LINGO2: variants seen among roughly 807,000 people sequenced by gnomAD.
LINGO2 encodes the protein leucine-rich repeat and immunoglobulin-like domain-containing nogo receptor-interacting protein 2.
LINGO2 carries 14 observed loss-of-function variants against 30.6 expected under a neutral mutation model. That is an observed-to-expected ratio of 0.46 (90% CI 0.30 to 0.72). The LOEUF (loss-of-function observed/expected upper bound fraction) is 0.72. Ranked by LOEUF, LINGO2 falls within the 30% of genes least tolerant of loss-of-function variation. The pLI, the probability that LINGO2 is intolerant of heterozygous loss-of-function variation, is 0.07. For missense variants in LINGO2, 729 were observed against 751.7 expected, an observed-to-expected ratio of 0.97 and a Z score of 0.35; for synonymous variants, 317 against 288.5, an observed-to-expected ratio of 1.10 and a Z score of -1.00.
At chr9:28,519,313 G>T (rs1432286169) in intron 1 of LINGO2, among the ~76,000 whole-genome samples, 2 of 152,112 alleles carry the variant, frequency 1.3e-5, no homozygotes, top group Non-Finnish European at 2.9e-5. Context: ...GGGATTATAG[G>T]TGTGAGCTAC....
At chr9:28,456,024 A>G (rs1182163797) in intron 2 of LINGO2, among the ~76,000 whole-genome samples, 1 of 152,132 alleles carries the variant, frequency 6.6e-6, no homozygotes, top group Non-Finnish European at 1.5e-5. Context: ...GTGTTCTCTT[A>G]TATCTCATTT....
At chr9:29,009,486 C>T in the LINGO2 span, among the ~76,000 whole-genome samples, 1 of 152,098 alleles carries the variant, frequency 6.6e-6, no homozygotes, top group Admixed American at 6.6e-5. Flanking sequence ...ATGTGAAGGA[C>T]CTCTTCAAGG....
chr9:28,207,481 C>A (rs1404004168), intron 4 of LINGO2, among the ~76,000 whole-genome samples: 4 of 152,066 alleles, frequency 2.6e-5, no homozygotes, highest in Non-Finnish European at 4.4e-5. Context: ...TCATTTCTTA[C>A]AATGAGAAGG....
the LINGO2 span, among the ~76,000 whole-genome samples, chr9:29,057,339 A>T: frequency 5.5e-3 from 843 of 152,306 alleles, 9 homozygotes; most frequent in African/African-American, 0.019. Context: ...GTTTTCATCC[A>T]TGAAAGAGTA....
chr9:28,929,645 A>G, the LINGO2 span, among the ~76,000 whole-genome samples: 1 of 152,206 alleles, frequency 6.6e-6, no homozygotes, highest in African/African-American at 2.4e-5. Flanking sequence ...ACAACTTTCC[A>G]CATTTCTTTC....
At chr9:28,022,740 T>C (rs1185571867) in intron 4 of LINGO2, among the ~76,000 whole-genome samples, 2 of 152,064 alleles carry the variant, frequency 1.3e-5, no homozygotes, top group Non-Finnish European at 2.9e-5. Context: ...GTATCTGTCA[T>C]TAATTTTGGG....
chr9:27,949,559 G>A (rs772216428), exon 6 of LINGO2: 1 of 1,614,058 alleles, frequency 6.2e-7, no homozygotes, highest in South Asian at 1.1e-5. Context: ...ACTGCAGGGT[G>A]GGCTGTCGCT....
At chr9:28,779,717 C>G in the LINGO2 span, among the ~76,000 whole-genome samples, 1 of 152,036 alleles carries the variant, frequency 6.6e-6, no homozygotes, top group Admixed American at 6.6e-5. Flanking sequence ...ATTGCTTTTT[C>G]TTAAATTGCA....
the LINGO2 span, among the ~76,000 whole-genome samples, chr9:28,881,795 T>C: frequency 1.3e-5 from 2 of 152,202 alleles, no homozygotes; most frequent in African/African-American, 2.4e-5. Context: ...TCTTCTCCCT[T>C]CTACCAGTCA....
At chr9:28,339,698 T>G (rs566582267) in intron 3 of LINGO2, among the ~76,000 whole-genome samples, 1 of 152,288 alleles carries the variant, frequency 6.6e-6, no homozygotes, top group Non-Finnish European at 1.5e-5. Flanking sequence ...TTTACTTTAA[T>G]TATCATAATG....
chr9:28,373,512 T>C (rs1820985428), intron 2 of LINGO2, among the ~76,000 whole-genome samples: 1 of 152,190 alleles, frequency 6.6e-6, no homozygotes, highest in Admixed American at 6.5e-5. Flanking sequence ...AATGCTGTAT[T>C]TACCCAAACG....
At chr9:28,082,528 T>C (rs1273946415) in intron 4 of LINGO2, among the ~76,000 whole-genome samples, 1 of 152,176 alleles carries the variant, frequency 6.6e-6, no homozygotes, top group Non-Finnish European at 1.5e-5. Flanking sequence ...GGTATAACAT[T>C]TGAGTAGGAA....
chr9:28,186,535 G>C (rs1474248581), intron 4 of LINGO2, among the ~76,000 whole-genome samples: 2 of 152,094 alleles, frequency 1.3e-5, no homozygotes, highest in African/African-American at 2.4e-5. Context: ...AAATATAAGA[G>C]TGTTTATAAT....
intron 4 of LINGO2, among the ~76,000 whole-genome samples, chr9:28,180,115 T>C (rs1828870917): frequency 6.6e-6 from 1 of 152,110 alleles, no homozygotes; most frequent in African/African-American, 2.4e-5. Flanking sequence ...TGTGCTTCAG[T>C]GTGGATTAGG....
At chr9:28,200,855 A>G (rs1039397546) in intron 4 of LINGO2, among the ~76,000 whole-genome samples, 24 of 152,218 alleles carry the variant, frequency 1.6e-4, no homozygotes, top group Non-Finnish European at 3.1e-4. Flanking sequence ...TTGGTTAAAA[A>G]CAGTGGATCC....
intron 1 of LINGO2, among the ~76,000 whole-genome samples, chr9:28,581,007 GGAGA>G (rs1824230638): frequency 6.6e-6 from 1 of 151,968 alleles, no homozygotes; most frequent in African/African-American, 2.4e-5. Flanking sequence ...GGGTGCATAG[GGAGA>G]GAAACGACAG....
At position 28,344,548 on chromosome 9, in the gene LINGO2, G is replaced by A. The variant is rs184150479; in HGVS notation, c.-246+28288C>T. ...TCTGGGTATATATACATAGAAATAT[G>A]GAGACTGTGTATTCCTGAATTGTGG... On this transcript the variant is annotated intron_variant, in intron 3 of 5. Transcript: ENST00000379992. Among the ~76,000 whole-genome samples the A allele has an allele frequency of 1.0e-3, 158 of 152,140 alleles. 1 individual carries two copies. Among genetic ancestry groups the A allele is most frequent in the Middle Eastern group, 6.8e-3 (2 of 292 alleles).
At chr9:28,945,857 A>C in the LINGO2 span, among the ~76,000 whole-genome samples, 1 of 152,172 alleles carries the variant, frequency 6.6e-6, no homozygotes, top group Non-Finnish European at 1.5e-5. Flanking sequence ...CATGGTAATA[A>C]ATGAATAAAA....
chr9:28,147,698 G>C lies in LINGO2; in HGVS notation c.-86-135293C>G, dbSNP rs77749958. 0.089 allele frequency among the ~76,000 whole-genome samples: 13,575 copies of C among 152,250 alleles called. 830 individuals are homozygous for C. The highest frequency in any genetic ancestry group is 0.17 in the African/African-American group (7,018 of 41,540). On this transcript the variant is annotated intron_variant, in intron 4 of 5. Coordinates refer to ENST00000379992, the Ensembl canonical transcript of LINGO2. The surrounding 1 kb of genome is among the most constrained non-coding windows in gnomAD (Gnocchi z 4.7). ...CCCCGCACCCCCAACAGCCCCACGG[G>C]GGGGCCCGTCCAGGGCCACACAACT...
Sources: gnomAD v4.1 joint callset for allele counts (sites outside exome capture counted in the v4.1 genomes callset) on GRCh38, gnomAD v4.1.1 for gene constraint, Gnocchi (gnomAD v3.1) non-coding constraint, MANE v1.5 for transcripts, NCBI Gene and HGNC (gene_info 2026-07-23, HGNC 2026-07-21) for gene names.